RBBP4: variants seen among roughly 807,000 people sequenced by gnomAD.
RBBP4 encodes histone-binding protein RBBP4.
In RBBP4, 3 loss-of-function variants were observed where a neutral mutation model predicts 57.2. That is an observed-to-expected ratio of 0.05 (90% confidence interval 0.02 to 0.14). The LOEUF is 0.14. RBBP4 is among the 10% of genes least tolerant of loss of function. RBBP4 has a pLI of 1.00. For missense variants in RBBP4, 107 were observed against 520.6 expected (o/e 0.21, Z 7.73); for synonymous variants, 151 against 171.5 (o/e 0.88, Z 0.93).
At chr1:32,673,216 T>C (rs1368979219) in intron 11 of RBBP4, among the ~76,000 whole-genome samples, 2 of 152,176 alleles carry the variant, frequency 1.3e-5, no homozygotes, top group African/African-American at 4.8e-5. Flanking sequence ...CTCAAGAATT[T>C]TCCATGTCTG....
intron 3 of RBBP4, among the ~76,000 whole-genome samples, chr1:32,661,949 A>C (rs1437684451): frequency 1.7e-5 from 2 of 120,422 alleles, no homozygotes; most frequent in African/African-American, 3.3e-5. Flanking sequence ...GCAGTGTGGC[A>C]ATCTCGGCTC....
intron 3 of RBBP4, among the ~76,000 whole-genome samples, chr1:32,665,678 T>TA (rs57130788): frequency 0.76 from 103,519 of 136,686 alleles, 39,844 homozygotes; most frequent in South Asian, 0.83. Context: ...ACCCTGTCTT[T>TA]AAAAAAAAAA....
chr1:32,665,478 G>C (rs1355950880), intron 3 of RBBP4, among the ~76,000 whole-genome samples: 1 of 152,046 alleles, frequency 6.6e-6, no homozygotes, highest in Non-Finnish European at 1.5e-5. Context: ...AGGAGTTCAA[G>C]ACCAGTCTGG....
rs1649612291 is a variant in RBBP4, at chr1:32,683,783, C to G, written c.*4078C>G. 4.2e-6 allele frequency: 2 copies of G among 472,618 alleles called. No individual in the cohort carries two copies. Among genetic ancestry groups the G allele is most frequent in the African/African-American group, 4.0e-5 (2 of 50,530 alleles). The allele number at this position is 472,618 out of a possible 1,614,324, so 29.3% of individuals were successfully genotyped here. A position where few individuals can be genotyped will look rare whatever the true frequency, so the allele number is the denominator to read the frequency against. Reference sequence around the variant, plus strand: ...GAGTAGCTGGGATTATAAGTGCCTGCCACTATGCCCGGCTAATTTTTGTAT... The same window carrying G: ...GAGTAGCTGGGATTATAAGTGCCTGGCACTATGCCCGGCTAATTTTTGTAT... On this transcript the variant is annotated 3_prime_UTR_variant, in exon 12 of 12. Coordinates refer to ENST00000373493, the MANE Select transcript of RBBP4 (RefSeq NM_005610.3).
chr1:32,661,443 C>T (rs565889158), intron 3 of RBBP4, among the ~76,000 whole-genome samples: 14 of 151,672 alleles, frequency 9.2e-5, no homozygotes, highest in South Asian at 4.2e-4. Context: ...TACAGTCATG[C>T]GCCACCATGC....
chr1:32,662,040 C>T (rs962458273), intron 3 of RBBP4, among the ~76,000 whole-genome samples: 1 of 151,294 alleles, frequency 6.6e-6, no homozygotes, highest in Non-Finnish European at 1.5e-5. Context: ...TCTGTGCCAC[C>T]ACACCCAGCT....
At chr1:32,658,704 G>A (rs1030014939) in intron 3 of RBBP4, among the ~76,000 whole-genome samples, 5 of 151,732 alleles carry the variant, frequency 3.3e-5, no homozygotes, top group South Asian at 2.1e-4. Context: ...GCACCACCAC[G>A]CCTGGCTAAT....
chr1:32,672,734 CTG>C (rs1427320736), intron 10 of RBBP4, 35 bp downstream of exon 10: 3 of 1,609,422 alleles, frequency 1.9e-6, no homozygotes, highest in Middle Eastern at 1.7e-4. Context: ...CTGAAATAGT[CTG>C]TAATTTAATG....
intron 2 of RBBP4, among the ~76,000 whole-genome samples, chr1:32,652,917 A>C (rs576885572): frequency 6.6e-6 from 1 of 152,232 alleles, no homozygotes; most frequent in Non-Finnish European, 1.5e-5. Context: ...TGTCTAGTTG[A>C]AGTGGCAGAT....
chr1:32,663,819 G>A (rs1337348058), intron 3 of RBBP4, among the ~76,000 whole-genome samples: 2 of 151,916 alleles, frequency 1.3e-5, no homozygotes, highest in African/African-American at 4.8e-5. Flanking sequence ...CTCGTGATCC[G>A]CCTGCCTCGG....
At chr1:32,676,478 CG>C (rs1246506814) in intron 11 of RBBP4, among the ~76,000 whole-genome samples, 1 of 151,046 alleles carries the variant, frequency 6.6e-6, no homozygotes, top group Non-Finnish European at 1.5e-5. Flanking sequence ...GGCATGGTGA[CG>C]GGCGCCTGTA....
intron 11 of RBBP4, chr1:32,673,639 T>C (rs1648970379): frequency 7.8e-6 from 2 of 255,514 alleles, no homozygotes; most frequent in Non-Finnish European, 7.8e-6. Flanking sequence ...GGTTTCACTA[T>C]GTTGGCCAGG....
Position 32,652,002 on chromosome 1 carries a change from G to A in RBBP4, c.105G>A (p.Val35=). The part of the protein sequence containing the change: ...KKNTPFLYDL[V]MTHALEWPSL... Reference sequence around the variant, plus strand: ...ACACCCCTTTTCTTTATGATTTGGTGATGACCCATGCTCTGGAGTGGCCCA... The same window carrying A: ...ACACCCCTTTTCTTTATGATTTGGTAATGACCCATGCTCTGGAGTGGCCCA... The change falls in exon 2 of 12, where the codon GTG becomes GTA. Residue 35 remains valine (V), a synonymous_variant. Transcript: ENST00000373493. 6.2e-7 allele frequency: 1 copy of A among 1,613,984 alleles called. No homozygotes were observed. The highest frequency in any genetic ancestry group is 8.5e-7 in the Non-Finnish European group (1 of 1,179,850).
At chr1:32,667,620 A>T (rs1451755418) in intron 3 of RBBP4, among the ~76,000 whole-genome samples, 1 of 152,164 alleles carries the variant, frequency 6.6e-6, no homozygotes, top group Non-Finnish European at 1.5e-5. Flanking sequence ...CACGGGGAGA[A>T]CACCCGCTAA....
At position 32,684,378 on chromosome 1, in the gene RBBP4, T is replaced by C. The variant is rs140582636; in HGVS notation, c.*4673T>C. ...CTGGCGTTCTTCCATTTCCTCCAGC[T>C]GTTCCTGCATGAGATGGCCAAGAAC... On this transcript the variant is annotated 3_prime_UTR_variant, in exon 12 of 12. Coordinates refer to ENST00000373493, the MANE Select transcript of RBBP4 (RefSeq NM_005610.3). 8 of 1,614,234 alleles carry C rather than the reference T, an allele frequency of 5.0e-6. No homozygotes were observed. The Admixed American group carries it at 1.2e-4, about 24-fold the overall frequency.
intron 3 of RBBP4, among the ~76,000 whole-genome samples, chr1:32,659,259 CAT>C (rs1159879726): frequency 6.6e-6 from 1 of 151,508 alleles, no homozygotes; most frequent in African/African-American, 2.4e-5. Flanking sequence ...CCCCTTCTCC[CAT>C]ATAATAAACC....
At chr1:32,674,108 A>G (rs1022685670) in intron 11 of RBBP4, among the ~76,000 whole-genome samples, 8 of 152,192 alleles carry the variant, frequency 5.3e-5, no homozygotes, top group Non-Finnish European at 8.8e-5. Flanking sequence ...CTCAATTAAA[A>G]TATATATATG....
chr1:32,651,450 A>G (rs961324849), intron 1 of RBBP4, 128 bp downstream of exon 1: 65 of 1,366,114 alleles, frequency 4.8e-5, no homozygotes, highest in Non-Finnish European at 1.2e-5. Flanking sequence ...AGGCGTGAAG[A>G]GGGAACTCCC....
At chr1:32,678,769 T>C (rs1005038718) in intron 11 of RBBP4, among the ~76,000 whole-genome samples, 1 of 151,436 alleles carries the variant, frequency 6.6e-6, no homozygotes, top group African/African-American at 2.4e-5. Flanking sequence ...TTTGTATTTG[T>C]AGTAGAGATG....
Sources: gnomAD v4.1 joint callset for allele counts (sites outside exome capture counted in the v4.1 genomes callset) on GRCh38, gnomAD v4.1.1 for gene constraint, MANE v1.5 for transcripts, NCBI Gene and HGNC (gene_info 2026-07-23, HGNC 2026-07-21) for gene names.